Variants in ARHGAP12 observed in about 807,000 individuals in gnomAD.
ARHGAP12 encodes the protein Rho GTPase activating protein 12.
Under a neutral mutation model 108.6 loss-of-function variants are expected in ARHGAP12, and 64 were observed. That is an observed-to-expected ratio of 0.59 (90% CI 0.48 to 0.73). ARHGAP12 has a LOEUF of 0.73. Ranked by LOEUF, ARHGAP12 falls within the 30% of genes least tolerant of loss-of-function variation. The pLI, the probability that ARHGAP12 is intolerant of heterozygous loss-of-function variation, is 0.00. For missense variants in ARHGAP12, 940 were observed against 1,005.9 expected (o/e 0.93, Z 0.89); for synonymous variants, 312 against 337.2 (o/e 0.93, Z 0.82).
At position 31,809,023 on chromosome 10, in the gene ARHGAP12, T is replaced by C; in HGVS notation, c.2234A>G (p.Asn745Ser). Residue 745 changes from asparagine (N) to serine (S), a missense_variant, in exon 18 of 20, where the codon AAT becomes AGT. Asn to Ser is a conservative substitution (Grantham distance 46). Transcript: ENST00000344936. ...TGCATTAACAAAATCATTAAAATGA[T>C]TAAATGTAAAAAGAGGTTCTGGTAA... ...RELPEPLFTF[N>S]HFNDFVNAIK... 6.3e-7 allele frequency: 1 copy of C among 1,592,624 alleles called. No homozygotes were observed. The highest frequency in any genetic ancestry group is 8.6e-7 in the Non-Finnish European group (1 of 1,163,566).
chr10:31,866,719 G>A (rs571986450), intron 3 of ARHGAP12, among the ~76,000 whole-genome samples: 1 of 151,962 alleles, frequency 6.6e-6, no homozygotes, highest in Non-Finnish European at 1.5e-5. Context: ...TGTTTCAAGC[G>A]ATTCTCCTGC....
chr10:31,871,221 A>C (rs530885718), intron 3 of ARHGAP12, among the ~76,000 whole-genome samples: 49 of 152,368 alleles, frequency 3.2e-4, no homozygotes, highest in African/African-American at 1.1e-3. Context: ...CTTCGGATAT[A>C]ACACACAAAT....
chr10:31,894,671 G>C (rs1205270120), intron 3 of ARHGAP12, among the ~76,000 whole-genome samples: 1 of 152,194 alleles, frequency 6.6e-6, no homozygotes, highest in African/African-American at 2.4e-5. Context: ...TGGCCATACT[G>C]CCCAAGGTAG....
At chr10:31,876,028 T>C (rs1216883671) in intron 3 of ARHGAP12, among the ~76,000 whole-genome samples, 1 of 150,830 alleles carries the variant, frequency 6.6e-6, no homozygotes, top group Admixed American at 6.6e-5. Context: ...GTGTATTTAT[T>C]ATTAATGTAT....
chr10:31,891,829 T>C (rs180839980), intron 3 of ARHGAP12, among the ~76,000 whole-genome samples: 7 of 152,338 alleles, frequency 4.6e-5, no homozygotes, highest in African/African-American at 1.7e-4. Flanking sequence ...ATTTCATTCA[T>C]TTGATCCTCC....
chr10:31,810,698 G>A lies in ARHGAP12; in HGVS notation c.2001C>T (p.Gly667=), dbSNP rs1013285080. The change falls in exon 16 of 20, where the codon GGC becomes GGT. Residue 667 remains glycine (G), a synonymous_variant. Transcript: ENST00000344936. ...NLANLCQREN[G]TVPKFVKLCI... ...ATAACTTCACAAACTTTGGTACTGT[G>A]CCATTCTCTCTCTGACACAGATTAG... 6.2e-7 allele frequency: 1 copy of A among 1,608,650 alleles called. No individual in the cohort carries two copies. The highest frequency in any genetic ancestry group is 8.5e-7 in the Non-Finnish European group (1 of 1,177,758).
chr10:31,865,727 A>T (rs959013095), intron 3 of ARHGAP12, among the ~76,000 whole-genome samples: 3 of 151,994 alleles, frequency 2.0e-5, no homozygotes, highest in Non-Finnish European at 4.4e-5. Flanking sequence ...TACAAAAAAA[A>T]ATTAGCCCGG....
chr10:31,860,856 G>A lies in ARHGAP12; in HGVS notation c.948+539C>T, dbSNP rs368715925. ...AGCACTTTGGGAGGCTGAGACAGGG[G>A]GACTGCTTGAAGTCAGGCGGCAAGA... On this transcript the variant is annotated intron_variant, in intron 4 of 19. Coordinates refer to ENST00000344936, the MANE Select transcript of ARHGAP12 (RefSeq NM_018287.7). 6.1e-4 allele frequency among the ~76,000 whole-genome samples: 92 copies of A among 152,060 alleles called. 3 individuals carry two copies. Among genetic ancestry groups the A allele is most frequent in the Admixed American group, 5.3e-3 (81 of 15,264 alleles).
chr10:31,912,413 G>T lies in ARHGAP12; in HGVS notation c.-110-1850C>A, dbSNP rs560429636. On this transcript the variant is annotated intron_variant, in intron 1 of 19. Transcript: ENST00000344936. ...GTGGGAGAGGAATTGTGGGGCTGGG[G>T]ACAACAATGAGTTAAAGGCCAGTCC... 2.0e-5 allele frequency among the ~76,000 whole-genome samples: 3 copies of T among 152,262 alleles called. No homozygotes were observed. In the East Asian group the frequency reaches 5.8e-4, roughly 29 times the overall value.
rs1020426472 is a variant in ARHGAP12, at chr10:31,805,624, T to C, written c.*2034A>G. ...AATATTACAATAAACTGATTAGCTG[T>C]AGACTAATAAAACATTTAAGACTTC... On this transcript the variant is annotated 3_prime_UTR_variant, in exon 20 of 20. Transcript: ENST00000344936. The C allele has an allele frequency of 3.4e-5, 5 of 148,182 alleles. No individual in the cohort carries two copies. The highest frequency in any genetic ancestry group is 1.4e-4 in the Admixed American group (2 of 14,750). The allele number at this position is 148,182 out of a possible 1,614,324, so 9.2% of individuals were successfully genotyped here. A position where few individuals can be genotyped will look rare whatever the true frequency, so the allele number is the denominator to read the frequency against.
intron 3 of ARHGAP12, among the ~76,000 whole-genome samples, chr10:31,895,662 A>AT (rs1838651316): frequency 6.6e-6 from 1 of 152,238 alleles, no homozygotes; most frequent in African/African-American, 2.4e-5. Flanking sequence ...TAGTTCAACC[A>AT]TTGTGGAAGG....
intron 10 of ARHGAP12, among the ~76,000 whole-genome samples, chr10:31,830,846 T>A (rs566054690): frequency 3.2e-4 from 49 of 152,306 alleles, no homozygotes; most frequent in African/African-American, 1.1e-3. Context: ...AATAAAAATA[T>A]CATTTTCTCT....
At chr10:31,913,960 T>C (rs1008931391) in intron 1 of ARHGAP12, among the ~76,000 whole-genome samples, 7 of 152,056 alleles carry the variant, frequency 4.6e-5, no homozygotes, top group South Asian at 4.1e-4. Context: ...TAAAATGGCA[T>C]GGAAATTTAA....
At chr10:31,878,132 A>G (rs1475886178) in intron 3 of ARHGAP12, among the ~76,000 whole-genome samples, 2 of 152,188 alleles carry the variant, frequency 1.3e-5, no homozygotes, top group African/African-American at 4.8e-5. Context: ...AATGTTATAC[A>G]TAATCTTCTT....
chr10:31,814,171 A>C (rs1488289286), intron 14 of ARHGAP12, 88 bp downstream of exon 14: 9 of 1,033,322 alleles, frequency 8.7e-6, no homozygotes, highest in Non-Finnish European at 1.2e-5. Context: ...TGGACATTCC[A>C]TTCAGCTTTT....
chr10:31,864,890 T>C (rs966718787), intron 3 of ARHGAP12, among the ~76,000 whole-genome samples: 1 of 152,092 alleles, frequency 6.6e-6, no homozygotes, highest in African/African-American at 2.4e-5. Context: ...ATAGACACAA[T>C]GCTAGAGCTA....
chr10:31,848,920 A>T (rs1003750236), intron 6 of ARHGAP12, among the ~76,000 whole-genome samples: 3 of 152,116 alleles, frequency 2.0e-5, no homozygotes, highest in Admixed American at 6.5e-5. Context: ...AAAATACAAA[A>T]ATTAGCCAGG....
intron 6 of ARHGAP12, 115 bp from the exon 7 acceptor site, chr10:31,843,701 AT>A: frequency 1.7e-6 from 2 of 1,208,036 alleles, no homozygotes; most frequent in South Asian, 3.5e-5. Flanking sequence ...AGTTCATTAT[AT>A]GACATCTCCA....
intron 6 of ARHGAP12, among the ~76,000 whole-genome samples, chr10:31,847,201 C>T (rs918047341): frequency 6.6e-6 from 1 of 152,132 alleles, no homozygotes; most frequent in Admixed American, 6.5e-5. Flanking sequence ...TCATCCCTGT[C>T]ATCTTGGTGT....
Sources: allele counts gnomAD v4.1 joint callset (sites outside exome capture counted in the v4.1 genomes callset), GRCh38; gene constraint gnomAD v4.1.1; transcripts MANE v1.5; gene names NCBI Gene and HGNC (gene_info 2026-07-23, HGNC 2026-07-21).